The following PREX1 variants were observed in gnomAD, a reference collection of about 807,000 sequenced individuals.
PREX1 encodes phosphatidylinositol 3,4,5-trisphosphate-dependent Rac exchanger 1 protein.
Under a neutral mutation model 198.3 loss-of-function variants are expected in PREX1, and 41 were observed. That is an observed-to-expected ratio of 0.21 (90% CI 0.16 to 0.27). The LOEUF is 0.27. Ranked by LOEUF, PREX1 falls within the 10% of genes least tolerant of loss-of-function variation. PREX1 has a pLI of 1.00. For missense variants in PREX1, 1,620 were observed against 2,200.7 expected (o/e 0.74, Z 5.28); for synonymous variants, 843 against 887.2 (o/e 0.95, Z 0.89).
chr20:48,823,434 G>A (rs972845045), intron 1 of PREX1, among the ~76,000 whole-genome samples: 1 of 152,210 alleles, frequency 6.6e-6, no homozygotes, highest in African/African-American at 2.4e-5. Flanking sequence ...TGACGCAGGT[G>A]CTACACTGTG....
chr20:48,871,602 C>T, the PREX1 span, among the ~76,000 whole-genome samples: 1 of 27,854 alleles, frequency 3.6e-5, no homozygotes, highest in Non-Finnish European at 6.6e-5. Context: ...TACTTCTGTT[C>T]TTTTATCCAA....
chr20:48,701,955 G>T (rs1378736028), intron 6 of PREX1, among the ~76,000 whole-genome samples: 2 of 152,142 alleles, frequency 1.3e-5, no homozygotes, highest in Non-Finnish European at 2.9e-5. Context: ...AGTGGTTCAT[G>T]CCTGTAATCC....
intron 5 of PREX1, among the ~76,000 whole-genome samples, chr20:48,720,311 T>G (rs2089979491): frequency 6.6e-6 from 1 of 152,298 alleles, no homozygotes; most frequent in East Asian, 1.9e-4. Flanking sequence ...GCATACACAT[T>G]TCTTACTCAT....
At chr20:48,665,629 C>G (rs2089633774) in intron 15 of PREX1, among the ~76,000 whole-genome samples, 1 of 152,192 alleles carries the variant, frequency 6.6e-6, no homozygotes, top group Admixed American at 6.5e-5. Context: ...TGTTAATACT[C>G]ACATCAAAGG....
chr20:48,866,467 G>T, the PREX1 span, among the ~76,000 whole-genome samples: 4 of 152,252 alleles, frequency 2.6e-5, no homozygotes, highest in South Asian at 2.1e-4. Flanking sequence ...AGCTGTCCAG[G>T]TGAGCCACAG....
chr20:48,712,886 G>A (rs1418775768), intron 5 of PREX1, among the ~76,000 whole-genome samples: 2 of 152,232 alleles, frequency 1.3e-5, no homozygotes, highest in African/African-American at 4.8e-5. Context: ...AACACTTTGG[G>A]AGGCCCAGGC....
intron 1 of PREX1, among the ~76,000 whole-genome samples, chr20:48,770,131 C>CTTCA (rs2090228576): frequency 6.6e-6 from 1 of 152,162 alleles, no homozygotes; most frequent in Non-Finnish European, 1.5e-5. Flanking sequence ...GTTTTAAAAG[C>CTTCA]CAGGTGGGAG....
At chr20:48,764,416 G>A (rs1193815539) in intron 1 of PREX1, among the ~76,000 whole-genome samples, 2 of 152,166 alleles carry the variant, frequency 1.3e-5, no homozygotes, top group African/African-American at 4.8e-5. Context: ...ATGTGATTAA[G>A]GTAAGGATCT....
At chr20:48,761,806 G>A (rs762768752) in intron 1 of PREX1, among the ~76,000 whole-genome samples, 1 of 152,206 alleles carries the variant, frequency 6.6e-6, no homozygotes, top group East Asian at 1.9e-4. Flanking sequence ...GTAACTCAGA[G>A]GCATCATTCC....
In PREX1 at chr20:48,652,790, G is replaced by C. The variant is rs908607567; in HGVS notation, c.2347-84C>G. On this transcript the variant is annotated intron_variant, in intron 20 of 39. Transcript: ENST00000371941. Reference sequence around the variant, plus strand: ...AGGGCCGAGGTGTGAACTGCCCCTGGGTTCCAGAGCTCTGGAAACTCACTG... The same window carrying C: ...AGGGCCGAGGTGTGAACTGCCCCTGCGTTCCAGAGCTCTGGAAACTCACTG... 7.6e-6 allele frequency: 11 copies of C among 1,453,752 alleles called. No individual in the cohort carries two copies. In the African/African-American group the frequency reaches 1.5e-4, roughly 20 times the overall value. The allele number at this position is 1,453,752 out of a possible 1,614,324, so 90.1% of individuals were successfully genotyped here.
chr20:48,811,720 G>A (rs1334386153), intron 1 of PREX1, among the ~76,000 whole-genome samples: 1 of 151,908 alleles, frequency 6.6e-6, no homozygotes, highest in Non-Finnish European at 1.5e-5. Context: ...GACCAGACCT[G>A]GATACACACA....
the PREX1 span, among the ~76,000 whole-genome samples, chr20:48,839,842 C>T: frequency 3.3e-5 from 5 of 152,146 alleles, no homozygotes; most frequent in African/African-American, 1.2e-4. Context: ...CCTTGGAAGC[C>T]GCGGTTGAAG....
intron 39 of PREX1, among the ~76,000 whole-genome samples, chr20:48,627,083 A>T (rs537486303): frequency 1.3e-5 from 2 of 152,124 alleles, no homozygotes; most frequent in Non-Finnish European, 2.9e-5. Context: ...GCTGCTGTTC[A>T]GTTCGCATTT....
chr20:48,844,536 T>G, the PREX1 span, among the ~76,000 whole-genome samples: 2 of 152,212 alleles, frequency 1.3e-5, no homozygotes, highest in African/African-American at 4.8e-5. Context: ...GATGGAAATC[T>G]GCTGGAGGCT....
chr20:48,786,817 A>AACAG (rs34723760), intron 1 of PREX1, among the ~76,000 whole-genome samples: 2,298 of 140,184 alleles, frequency 0.016, 66 homozygotes, highest in African/African-American at 0.056. Flanking sequence ...GAAGGAAAGA[A>AACAG]AAAGAGAGAG....
At chr20:48,689,191 C>T (rs1344215170) in intron 9 of PREX1, among the ~76,000 whole-genome samples, 1 of 152,146 alleles carries the variant, frequency 6.6e-6, no homozygotes, top group East Asian at 1.9e-4. Flanking sequence ...TCAGTATCTC[C>T]ATTCCAGCCC....
chr20:48,679,924 C>T (rs2089737874), intron 11 of PREX1, among the ~76,000 whole-genome samples, 170 bp from the exon 12 acceptor site: 1 of 152,094 alleles, frequency 6.6e-6, no homozygotes, highest in African/African-American at 2.4e-5. Context: ...TGAAACCCCA[C>T]GAGGTGGGTG....
At chr20:48,648,534 C>T (rs1397234880) in intron 25 of PREX1, among the ~76,000 whole-genome samples, 1 of 152,216 alleles carries the variant, frequency 6.6e-6, no homozygotes, top group Non-Finnish European at 1.5e-5. Context: ...ACAGACCACA[C>T]TGCTCAACTG....
intron 1 of PREX1, among the ~76,000 whole-genome samples, chr20:48,751,802 C>T (rs1291219192): frequency 6.6e-6 from 1 of 152,228 alleles, no homozygotes; most frequent in Non-Finnish European, 1.5e-5. Flanking sequence ...CTCACATCTG[C>T]CCAAGTCCTC....
Sources: gnomAD v4.1 joint callset for allele counts (sites outside exome capture counted in the v4.1 genomes callset) on GRCh38, gnomAD v4.1.1 for gene constraint, MANE v1.5 for transcripts, NCBI Gene and HGNC (gene_info 2026-07-23, HGNC 2026-07-21) for gene names.